Variants in FAM124A observed in about 807,000 individuals in gnomAD.
FAM124A encodes the protein family with sequence similarity 124 member A.
In FAM124A, 23 loss-of-function variants were observed where a neutral mutation model predicts 24.5. That is an observed-to-expected ratio of 0.94 (90% CI 0.68 to 1.33). The LOEUF is 1.33. Among genes scored for constraint, FAM124A ranks in the 40% most tolerant of loss-of-function variants. The pLI is 0.00. For missense variants in FAM124A, 623 were observed against 722.8 expected (o/e 0.86, Z 1.58); for synonymous variants, 287 against 314.7 (o/e 0.91, Z 0.93).
chr13:51,222,591 CGCGGGCGGGGG>C (rs890954024), intron 1 of FAM124A, 22 bp downstream of exon 1: 1 of 1,221,132 alleles, frequency 8.2e-7, no homozygotes, highest in Non-Finnish European at 1.0e-6. Flanking sequence ...CGGGCCGGGC[CGCGGGCGGGGG>C]GCGCTCTCCG....
At chr13:51,253,945 C>G (rs73194193) in intron 3 of FAM124A, among the ~76,000 whole-genome samples, 14,510 of 151,964 alleles carry the variant, frequency 0.095, 932 homozygotes, top group East Asian at 0.27. Context: ...TGCATTACCT[C>G]TCCCCCCAAG....
intron 1 of FAM124A, among the ~76,000 whole-genome samples, chr13:51,223,631 C>G (rs1954285839): frequency 6.6e-6 from 1 of 152,202 alleles, no homozygotes; most frequent in Non-Finnish European, 1.5e-5. Flanking sequence ...AGGGCCCCTC[C>G]TGCCCCACCA....
Position 51,258,655 on chromosome 13 carries a change from T to G in FAM124A, c.834+6454T>G, listed in dbSNP as rs897265482. ...GCATGGGCTTCAGAGTCTCAACTCT[T>G]GTACTCACCTGTTGAGTGGCTAGGG... On this transcript the variant is annotated intron_variant, in intron 3 of 3. Transcript: ENST00000322475. The surrounding 1 kb of genome is among the most constrained non-coding windows in gnomAD (Gnocchi z 4.2). 2.6e-4 allele frequency among the ~76,000 whole-genome samples: 40 copies of G among 152,196 alleles called. No homozygotes were observed. Among genetic ancestry groups the G allele is most frequent in the African/African-American group, 9.2e-4 (38 of 41,450 alleles).
At chr13:51,232,080 C>T (rs946402780) in intron 2 of FAM124A, among the ~76,000 whole-genome samples, 2 of 152,170 alleles carry the variant, frequency 1.3e-5, no homozygotes, top group South Asian at 2.1e-4. Context: ...ATCAATCCAT[C>T]ATCCTGTATT....
chr13:51,247,544 G>C (rs1954576325), intron 2 of FAM124A, among the ~76,000 whole-genome samples: 1 of 152,178 alleles, frequency 6.6e-6, no homozygotes, highest in African/African-American at 2.4e-5. Flanking sequence ...GTGGGATTAG[G>C]ACCTTGAAGG....
At position 51,270,040 on chromosome 13, in the gene FAM124A, A is replaced by C. The variant is rs187599939; in HGVS notation, c.835-10410A>C. On this transcript the variant is annotated intron_variant, in intron 3 of 3. Coordinates refer to ENST00000322475, the MANE Select transcript of FAM124A (RefSeq NM_001242312.2). Reference sequence around the variant, plus strand: ...CAGTTCTCACCCACAGTGTTCCTGGAGATGTCCTGTTTACTCTGGGTTCTT... The same window carrying C: ...CAGTTCTCACCCACAGTGTTCCTGGCGATGTCCTGTTTACTCTGGGTTCTT... Among the ~76,000 whole-genome samples, 295 of 152,266 alleles carry C rather than the reference A, an allele frequency of 1.9e-3. 1 individual carries two copies. The highest frequency in any genetic ancestry group is 7.0e-3 in the African/African-American group (289 of 41,548).
Position 51,251,377 on chromosome 13 carries a change from C to T in FAM124A, c.101-91C>T, listed in dbSNP as rs1005367422. On this transcript the variant is annotated intron_variant, in intron 2 of 3. Transcript: ENST00000322475. This position sits in a 1 kb window ranked among gnomAD's most constrained non-coding sequence, Gnocchi z 5.3. ...GTTCAGTTAGAATTTGACTTCTCTT[C>T]CTGTCAAGCCTGTACACGTCATCAC... 12 of 1,373,512 alleles carry T rather than the reference C, an allele frequency of 8.7e-6. No homozygotes were observed. The highest frequency in any genetic ancestry group is 1.1e-5 in the Non-Finnish European group (12 of 1,053,614). The allele number at this position is 1,373,512 out of a possible 1,614,324, so 85.1% of individuals were successfully genotyped here.
At chr13:51,249,295 C>G (rs1344640014) in intron 2 of FAM124A, among the ~76,000 whole-genome samples, 1 of 152,160 alleles carries the variant, frequency 6.6e-6, no homozygotes, top group Non-Finnish European at 1.5e-5. Flanking sequence ...TTGCTCTATG[C>G]TCATATTTAA....
intron 1 of FAM124A, among the ~76,000 whole-genome samples, chr13:51,224,332 G>T (rs181837091): frequency 6.6e-6 from 1 of 152,184 alleles, no homozygotes; most frequent in East Asian, 1.9e-4. Flanking sequence ...TTAGCCAGGT[G>T]TGGTGGCGCA....
intron 1 of FAM124A, among the ~76,000 whole-genome samples, chr13:51,224,691 T>C (rs986071607): frequency 7.2e-5 from 11 of 152,302 alleles, no homozygotes; most frequent in African/African-American, 2.2e-4. Flanking sequence ...AGAAAGCACA[T>C]AGAAGACAAC....
Position 51,251,919 on chromosome 13 carries a change from T to C in FAM124A, c.552T>C (p.Ala184=). ...TCTACTGTCGCTACGACAACTATGCTGACAGCCTCAGGTTCTACCAGCTGA... is the reference window on the plus strand; with the variant it reads ...TCTACTGTCGCTACGACAACTATGCCGACAGCCTCAGGTTCTACCAGCTGA... ...FTVYCRYDNY[A]DSLRFYQLIL... is the part of the protein sequence containing the mutation. The change falls in exon 3 of 4, where the codon GCT becomes GCC. Residue 184 remains alanine (A), a synonymous_variant. Transcript: ENST00000322475. This position sits in a 1 kb window ranked among gnomAD's most constrained non-coding sequence, Gnocchi z 5.3. 6.2e-7 allele frequency: 1 copy of C among 1,614,184 alleles called. No individual in the cohort carries two copies. The highest frequency in any genetic ancestry group is 8.5e-7 in the Non-Finnish European group (1 of 1,180,034).
At chr13:51,267,900 A>G (rs542307371) in intron 3 of FAM124A, among the ~76,000 whole-genome samples, 1 of 152,348 alleles carries the variant, frequency 6.6e-6, no homozygotes, top group South Asian at 2.1e-4. Flanking sequence ...CGGTGTGTCA[A>G]GACTATCTGT....
chr13:51,266,973 C>T (rs996657971), intron 3 of FAM124A, among the ~76,000 whole-genome samples: 3 of 152,176 alleles, frequency 2.0e-5, no homozygotes, highest in African/African-American at 7.2e-5. Context: ...AGACAGAAGT[C>T]CCTGCCCTAG....
At chr13:51,229,526 T>A (rs1156400689) in intron 1 of FAM124A, among the ~76,000 whole-genome samples, 3 of 152,216 alleles carry the variant, frequency 2.0e-5, no homozygotes, top group Non-Finnish European at 2.9e-5. Flanking sequence ...TGTATGCAGA[T>A]CTTTAAAATG....
rs148055539 is a variant in FAM124A, at chr13:51,280,815, C to T, written c.1200C>T (p.Leu400=). Reference sequence around the variant, plus strand: ...CATCAGAGTGGAGGCATGGCCACCTCCTCTCCATCGATGACCTAGAGGGGG... The same window carrying T: ...CATCAGAGTGGAGGCATGGCCACCTTCTCTCCATCGATGACCTAGAGGGGG... ...HRASEWRHGH[L]LSIDDLEGAQ... Residue 400 remains leucine, a synonymous_variant, in exon 4 of 4, where the codon CTC becomes CTT. Coordinates refer to ENST00000322475, the MANE Select transcript of FAM124A (RefSeq NM_001242312.2). 2.6e-4 allele frequency: 420 copies of T among 1,614,162 alleles called. 1 individual carries two copies. In the African/African-American group the frequency reaches 4.6e-3, roughly 18 times the overall value.
chr13:51,241,764 A>G (rs761641706), intron 2 of FAM124A, among the ~76,000 whole-genome samples: 1 of 151,694 alleles, frequency 6.6e-6, no homozygotes, highest in Non-Finnish European at 1.5e-5. Context: ...ATGAGTCCCC[A>G]GGCTCCATCC....
intron 3 of FAM124A, chr13:51,253,471 C>T (rs925205980): frequency 6.6e-6 from 1 of 152,194 alleles, no homozygotes; most frequent in East Asian, 1.9e-4. Flanking sequence ...CTAGCATTTG[C>T]TCTATAATCC....
chr13:51,243,538 G>C (rs1480370277), intron 2 of FAM124A, among the ~76,000 whole-genome samples: 2 of 151,774 alleles, frequency 1.3e-5, no homozygotes, highest in African/African-American at 2.4e-5. Context: ...TTTTTTGTTT[G>C]TTTGTTTGTT....
Position 51,251,414 on chromosome 13 carries a change from A to G in FAM124A, c.101-54A>G, listed in dbSNP as rs1954618125. Reference sequence around the variant, plus strand: ...GTACACGTCATCACTGGACACTTTAATGAAATAATCATAATTGTATTCATT... The same window carrying G: ...GTACACGTCATCACTGGACACTTTAGTGAAATAATCATAATTGTATTCATT... On this transcript the variant is annotated intron_variant, in intron 2 of 3. Coordinates refer to ENST00000322475, the MANE Select transcript of FAM124A (RefSeq NM_001242312.2). This position sits in a 1 kb window ranked among gnomAD's most constrained non-coding sequence, Gnocchi z 5.3. 2.7e-6 allele frequency: 4 copies of G among 1,476,948 alleles called. No homozygotes were observed. Among genetic ancestry groups the G allele is most frequent in the Non-Finnish European group, 3.6e-6 (4 of 1,113,254 alleles). 91.5% of individuals were successfully genotyped at this position (1,476,948 alleles called of 1,614,324 possible). A position where few individuals can be genotyped will look rare whatever the true frequency, so the allele number is the denominator to read the frequency against.
Sources: allele counts gnomAD v4.1 joint callset (sites outside exome capture counted in the v4.1 genomes callset), GRCh38; gene constraint gnomAD v4.1.1; non-coding constraint Gnocchi (gnomAD v3.1); transcripts MANE v1.5; gene names NCBI Gene and HGNC (gene_info 2026-07-23, HGNC 2026-07-21).